COL6A6: variants seen among roughly 807,000 people sequenced by gnomAD.
COL6A6 encodes collagen type VI alpha 6 chain.
Under a neutral mutation model 208.6 loss-of-function variants are expected in COL6A6, and 183 were observed. The observed-to-expected ratio is 0.88, with a 90% CI of 0.78 to 0.99. The LOEUF (loss-of-function observed/expected upper bound fraction) is 0.99. Among genes scored for constraint, COL6A6 ranks in the 50% least tolerant of loss-of-function variants. COL6A6 has a pLI of 0.00. For synonymous variants in COL6A6, 973 were observed against 1,011.8 expected (o/e 0.96, Z 0.73); for missense variants, 2,816 against 2,815.2 (o/e 1.00, Z -0.01).
At chr3:130,566,040 T>G (rs1372696137) in intron 4 of COL6A6, among the ~76,000 whole-genome samples, 1 of 152,164 alleles carries the variant, frequency 6.6e-6, no homozygotes, top group Non-Finnish European at 1.5e-5. Flanking sequence ...AGGAGTGTGA[T>G]TTGAATGAAG....
chr3:130,608,928 T>A lies in COL6A6; in HGVS notation c.4716T>A (p.Asp1572Glu). Reference protein sequence around the residue: ...PQGTAGIPGPDGLEGSLGLKG... With the variant: ...PQGTAGIPGPEGLEGSLGLKG... ...GAACAGCAGGCATCCCAGGACCAGA[T>A]GGACTTGAAGGCTCCCTGGGACTTA... is the stretch of plus-strand genomic sequence containing the variant. Residue 1572 changes from aspartate (D) to glutamate (E), a missense_variant, in exon 22 of 37, where the codon GAT becomes GAA. Physicochemically the swap from Asp to Glu is conservative, Grantham distance 45. Coordinates refer to ENST00000358511, the MANE Select transcript of COL6A6 (RefSeq NM_001102608.3). 1 of 1,613,640 alleles carries A rather than the reference T, an allele frequency of 6.2e-7. No homozygotes were observed.
intron 8 of COL6A6, among the ~76,000 whole-genome samples, chr3:130,574,745 G>A (rs551374804): frequency 6.6e-6 from 1 of 152,296 alleles, no homozygotes; most frequent in African/African-American, 2.4e-5. Flanking sequence ...TGTCTCCTGG[G>A]GGAGCATGCC....
chr3:130,561,329 T>C (rs193142944), intron 2 of COL6A6, among the ~76,000 whole-genome samples: 2 of 152,362 alleles, frequency 1.3e-5, no homozygotes, highest in Non-Finnish European at 2.9e-5. Context: ...GAGGAAGGTG[T>C]TGATACACTC....
At chr3:130,666,980 A>G (rs1478243862) in intron 36 of COL6A6, among the ~76,000 whole-genome samples, 2 of 152,206 alleles carry the variant, frequency 1.3e-5, no homozygotes, top group Non-Finnish European at 2.9e-5. Context: ...TTAGGCTGGT[A>G]GGTGATTTAT....
chr3:130,628,969 A>G (rs2064977765), intron 26 of COL6A6, among the ~76,000 whole-genome samples: 1 of 78,454 alleles, frequency 1.3e-5, no homozygotes, highest in Non-Finnish European at 2.1e-5. Flanking sequence ...GAAAAACTGG[A>G]AACTCTAAAA....
chr3:130,673,236 C>CCAAGTG (rs2066275486), intron 36 of COL6A6, among the ~76,000 whole-genome samples: 1 of 101,822 alleles, frequency 9.8e-6, no homozygotes. Flanking sequence ...AAAACAAAAC[C>CCAAGTG]CAAGTGCAAA....
chr3:130,617,275 C>T (rs1259852986), intron 23 of COL6A6, among the ~76,000 whole-genome samples: 2 of 152,110 alleles, frequency 1.3e-5, no homozygotes, highest in South Asian at 2.1e-4. Context: ...TACCCAATCT[C>T]ATAAAGGAGA....
Position 130,627,314 on chromosome 3 carries a change from T to C in COL6A6, c.4942-5T>C. Reference sequence around the variant, plus strand: ...GATGTTGGTAATCAATTGCTCTGTTTACAGGGCAATGATGGCAGTCCAGGT... The same window carrying C: ...GATGTTGGTAATCAATTGCTCTGTTCACAGGGCAATGATGGCAGTCCAGGT... On this transcript the variant is annotated splice_region_variant and splice_polypyrimidine_tract_variant and intron_variant, in intron 25 of 36. Coordinates refer to ENST00000358511, the MANE Select transcript of COL6A6 (RefSeq NM_001102608.3). 6 of 1,612,430 alleles carry C rather than the reference T, an allele frequency of 3.7e-6. No homozygotes were observed. Among genetic ancestry groups the C allele is most frequent in the South Asian group, 1.1e-5 (1 of 91,024 alleles).
At position 130,675,229 on chromosome 3, in the gene COL6A6, C is replaced by A; in HGVS notation, c.6624C>A (p.Thr2208=). The A allele has an allele frequency of 6.3e-7, 1 of 1,582,188 alleles. No homozygotes were observed. Among genetic ancestry groups the A allele is most frequent in the Non-Finnish European group, 8.6e-7 (1 of 1,163,374 alleles). ...RSFVPGPLKA[T]LKEDVLQKAK... ...TTGTTCCTGGACCACTTAAAGCTAC[C>A]CTCAAAGAAGATGTATTACAGAAGG... The change falls in exon 37 of 37, where the codon ACC becomes ACA. Residue 2208 remains threonine, a synonymous_variant. Coordinates refer to ENST00000358511, the MANE Select transcript of COL6A6 (RefSeq NM_001102608.3).
intron 33 of COL6A6, among the ~76,000 whole-genome samples, chr3:130,651,614 T>C (rs2065647699): frequency 6.6e-6 from 1 of 152,090 alleles, no homozygotes; most frequent in Admixed American, 6.5e-5. Context: ...TGGATCAGGT[T>C]CAGATAGGGA....
At position 130,571,145 on chromosome 3, in the gene COL6A6, G is replaced by C; in HGVS notation, c.2729G>C (p.Gly910Ala). ...TEARGSRLNKGVPQVLIVITD... is the reference protein window; with the variant it reads ...TEARGSRLNKAVPQVLIVITD... The stretch of plus-strand genomic sequence containing the variant: ...GCCCGGGGCAGCCGCCTGAACAAGG[G>C]GGTCCCCCAAGTCCTCATTGTGATC... The change falls in exon 7 of 37, where the codon GGG (glycine) becomes GCG (alanine). Residue 910 changes from glycine to alanine, a missense_variant. By Grantham distance (60) the Gly-to-Ala change is moderately conservative. Coordinates refer to ENST00000358511, the MANE Select transcript of COL6A6 (RefSeq NM_001102608.3). 6.2e-7 allele frequency: 1 copy of C among 1,613,736 alleles called. No homozygotes were observed. Among genetic ancestry groups the C allele is most frequent in the Non-Finnish European group, 8.5e-7 (1 of 1,179,724 alleles).
chr3:130,645,113 G>A lies in COL6A6; in HGVS notation c.5239+111G>A, dbSNP rs56233114. 1,713 of 1,025,668 alleles carry A rather than the reference G, an allele frequency of 1.7e-3. 19 individuals carry two copies. In the African/African-American group the frequency reaches 0.023, roughly 14 times the overall value. 63.5% of individuals were successfully genotyped at this position (1,025,668 alleles called of 1,614,324 possible). A position where few individuals can be genotyped will look rare whatever the true frequency, so the allele number is the denominator to read the frequency against. On this transcript the variant is annotated intron_variant, in intron 32 of 36. Coordinates refer to ENST00000358511, the MANE Select transcript of COL6A6 (RefSeq NM_001102608.3). The stretch of plus-strand genomic sequence containing the variant: ...TTCCAAATGACACAAATTTTATCTG[G>A]GCTTTCTTTGCTGCTGCCTCATACT...
At chr3:130,659,474 G>A (rs923820911) in intron 34 of COL6A6, among the ~76,000 whole-genome samples, 1 of 152,176 alleles carries the variant, frequency 6.6e-6, no homozygotes, top group African/African-American at 2.4e-5. Context: ...TATCAATGAT[G>A]GTGATAATGA....
chr3:130,560,516 G>C, intron 2 of COL6A6, 88 bp downstream of exon 2: 1 of 1,171,040 alleles, frequency 8.5e-7, no homozygotes, highest in Non-Finnish European at 1.2e-6. Context: ...TACAAGTTTT[G>C]TATCACTTTG....
At chr3:130,531,498 C>T (rs1559955626) in intron 1 of COL6A6, among the ~76,000 whole-genome samples, 1 of 152,184 alleles carries the variant, frequency 6.6e-6, no homozygotes, top group African/African-American at 2.4e-5. Context: ...TGCTCTGCTG[C>T]CCACATAGCC....
chr3:130,662,268 T>C lies in COL6A6; in HGVS notation c.6462T>C (p.Tyr2154=), dbSNP rs200270964. 80 of 1,613,924 alleles carry C rather than the reference T, an allele frequency of 5.0e-5. No homozygotes were observed. Among genetic ancestry groups the C allele is most frequent in the African/African-American group, 3.6e-4 (27 of 75,050 alleles). The part of the protein sequence containing the change: ...LGRIHKPDHS[Y]GVKFVKSFIN... ...GAATTCATAAACCTGACCACAGTTA[T>C]GGTGTGAAGTTTGTGAAGTCCTTTA... The change falls in exon 35 of 37, where the codon TAT becomes TAC. Residue 2154 remains tyrosine (Y), a synonymous_variant. Transcript: ENST00000358511.
At position 130,570,853 on chromosome 3, in the gene COL6A6, G is replaced by A. The variant is rs774297086; in HGVS notation, c.2437G>A (p.Val813Ile). The A allele has an allele frequency of 3.1e-6, 5 of 1,613,590 alleles. No homozygotes were observed. In the South Asian group the frequency reaches 5.5e-5, roughly 18 times the overall value. Residue 813 changes from valine to isoleucine, a missense_variant, in exon 7 of 37, where the codon GTC becomes ATC. Transcript: ENST00000358511. Reference protein sequence around the residue: ...KRIEVLDVVFVIDSSGSIDYD... With the variant: ...KRIEVLDVVFIIDSSGSIDYD... Reference sequence around the variant, plus strand: ...GATTGAAGTTTTAGACGTTGTGTTTGTCATTGATAGCTCTGGCAGTATTGA... The same window carrying A: ...GATTGAAGTTTTAGACGTTGTGTTTATCATTGATAGCTCTGGCAGTATTGA...
chr3:130,665,480 C>T (rs2066052456), intron 36 of COL6A6, among the ~76,000 whole-genome samples: 2 of 152,084 alleles, frequency 1.3e-5, no homozygotes, highest in South Asian at 2.1e-4. Flanking sequence ...CCTGGAGAAA[C>T]TTGTTATGCC....
At position 130,610,367 on chromosome 3, in the gene COL6A6, G is replaced by A. The variant is rs150995641; in HGVS notation, c.4753-282G>A. On this transcript the variant is annotated intron_variant, in intron 22 of 36. Coordinates refer to ENST00000358511, the MANE Select transcript of COL6A6 (RefSeq NM_001102608.3). ...TCTAACAAGAGAAATGTAGGGAAAT[G>A]TAGAAAGCAATATGGAAAAGCTCAA... Among the ~76,000 whole-genome samples, 830 of 152,234 alleles carry A rather than the reference G, an allele frequency of 5.5e-3. 6 individuals are homozygous for A. Among genetic ancestry groups the A allele is most frequent in the African/African-American group, 0.018 (743 of 41,534 alleles).
Sources: allele counts gnomAD v4.1 joint callset (sites outside exome capture counted in the v4.1 genomes callset), GRCh38; gene constraint gnomAD v4.1.1; transcripts MANE v1.5; gene names NCBI Gene and HGNC (gene_info 2026-07-23, HGNC 2026-07-21).